ZNRF2: variants seen among roughly 807,000 people sequenced by gnomAD.
The protein encoded by ZNRF2 is E3 ubiquitin-protein ligase ZNRF2.
Under a neutral mutation model 20.4 loss-of-function variants are expected in ZNRF2, and 16 were observed. The ratio of observed to expected loss-of-function variants is 0.79; its 90% confidence interval spans 0.53 to 1.19. The LOEUF (loss-of-function observed/expected upper bound fraction) is 1.19. Among genes scored for constraint, ZNRF2 ranks in the 50% most tolerant of loss-of-function variants. The pLI is 0.00. For missense variants in ZNRF2, 363 were observed against 332.4 expected, an observed-to-expected ratio of 1.09 and a Z score of -0.72; for synonymous variants, 178 against 144.9, an observed-to-expected ratio of 1.23 and a Z score of -1.64.
intron 3 of ZNRF2, among the ~76,000 whole-genome samples, chr7:30,361,405 T>A (rs1412558822): frequency 6.6e-6 from 1 of 152,212 alleles, no homozygotes; most frequent in Non-Finnish European, 1.5e-5. Context: ...TATCTGGACA[T>A]GAGGATGATA....
chr7:30,314,803 A>G (rs1037429145), intron 1 of ZNRF2, among the ~76,000 whole-genome samples: 4 of 148,266 alleles, frequency 2.7e-5, no homozygotes, highest in Non-Finnish European at 5.9e-5. Flanking sequence ...ATATATATAT[A>G]TGTATATATG....
chr7:30,365,582 A>T (rs1800200609), intron 4 of ZNRF2, among the ~76,000 whole-genome samples: 1 of 152,096 alleles, frequency 6.6e-6, no homozygotes, highest in Admixed American at 6.5e-5. Flanking sequence ...ATTCTTGTAT[A>T]CCTTTTAATA....
intron 2 of ZNRF2, among the ~76,000 whole-genome samples, chr7:30,332,397 G>C (rs1200926560): frequency 6.6e-6 from 1 of 152,074 alleles, no homozygotes; most frequent in Non-Finnish European, 1.5e-5. Context: ...TGAGGAGGTG[G>C]GGTACATGTG....
intron 1 of ZNRF2, among the ~76,000 whole-genome samples, chr7:30,313,787 C>T (rs1479862012): frequency 6.6e-6 from 1 of 152,180 alleles, no homozygotes; most frequent in Non-Finnish European, 1.5e-5. Context: ...TGTGATCATT[C>T]TGTACCCTCA....
At chr7:30,300,148 CTTTTT>C (rs11312967) in intron 1 of ZNRF2, among the ~76,000 whole-genome samples, 1 of 113,018 alleles carries the variant, frequency 8.8e-6, no homozygotes, top group Admixed American at 9.4e-5. Flanking sequence ...GAATACAAGT[CTTTTT>C]TTTTTTTTTT....
chr7:30,321,084 C>T (rs143132204), intron 1 of ZNRF2, among the ~76,000 whole-genome samples: 10 of 152,242 alleles, frequency 6.6e-5, no homozygotes, highest in African/African-American at 2.2e-4. Context: ...CTGCCCGTTG[C>T]CGTGCCTGGT....
At chr7:30,298,276 C>T (rs1799050883) in intron 1 of ZNRF2, among the ~76,000 whole-genome samples, 1 of 151,918 alleles carries the variant, frequency 6.6e-6, no homozygotes, top group South Asian at 2.1e-4. Flanking sequence ...ATGCTTTGTT[C>T]CCTTTCCTGA....
At chr7:30,309,899 CAA>C (rs1799266142) in intron 1 of ZNRF2, among the ~76,000 whole-genome samples, 1 of 152,072 alleles carries the variant, frequency 6.6e-6, no homozygotes, top group African/African-American at 2.4e-5. Flanking sequence ...TGGAAGAAAA[CAA>C]GATACATGGC....
intron 1 of ZNRF2, among the ~76,000 whole-genome samples, chr7:30,302,005 A>T (rs1331574122): frequency 6.6e-6 from 1 of 152,170 alleles, no homozygotes; most frequent in Non-Finnish European, 1.5e-5. Flanking sequence ...CAGTTTTCGG[A>T]ATCAGAAACT....
At chr7:30,336,113 A>G (rs1215840007) in intron 2 of ZNRF2, among the ~76,000 whole-genome samples, 3 of 152,236 alleles carry the variant, frequency 2.0e-5, no homozygotes, top group Non-Finnish European at 2.9e-5. Flanking sequence ...GAGTAAAGAT[A>G]TTACAAAGGA....
intron 1 of ZNRF2, among the ~76,000 whole-genome samples, chr7:30,309,614 T>C (rs553680911): frequency 4.6e-5 from 7 of 152,206 alleles, no homozygotes; most frequent in East Asian, 3.8e-4. Flanking sequence ...AGTCAGTGTT[T>C]ATAGTGAATT....
At chr7:30,340,704 T>G (rs1799780771) in intron 2 of ZNRF2, among the ~76,000 whole-genome samples, 1 of 152,282 alleles carries the variant, frequency 6.6e-6, no homozygotes, top group African/African-American at 2.4e-5. Context: ...ATTTTCTTTT[T>G]TTTTTGTTGT....
At position 30,367,671 on chromosome 7, in the gene ZNRF2, T is replaced by G. The variant is rs1051379884; in HGVS notation, c.*1659T>G. The G allele has an allele frequency of 1.3e-5, 2 of 151,432 alleles. No homozygotes were observed. The highest frequency in any genetic ancestry group is 4.8e-5 in the African/African-American group (2 of 41,240). 9.4% of individuals were successfully genotyped at this position (151,432 alleles called of 1,614,324 possible). On this transcript the variant is annotated 3_prime_UTR_variant, in exon 5 of 5. Transcript: ENST00000323037. ...GTGTGTATTATAAATAATTAAAGAG[T>G]TTTTAATTGCTTTCTGTATGATTCC...
chr7:30,341,841 T>C (rs1799799654), intron 2 of ZNRF2, among the ~76,000 whole-genome samples: 1 of 152,102 alleles, frequency 6.6e-6, no homozygotes, highest in Non-Finnish European at 1.5e-5. Context: ...CCCACTATTA[T>C]TGTGTGGGAG....
chr7:30,294,985 G>C, intron 1 of ZNRF2, among the ~76,000 whole-genome samples: 1 of 150,748 alleles, frequency 6.6e-6, no homozygotes, highest in Admixed American at 6.6e-5. Context: ...GAGAGAGAGG[G>C]AGGGGGACAG....
chr7:30,360,578 G>A (rs948370963), intron 3 of ZNRF2, among the ~76,000 whole-genome samples: 2 of 151,990 alleles, frequency 1.3e-5, no homozygotes, highest in African/African-American at 2.4e-5. Flanking sequence ...TGTAATCCCA[G>A]CTACCCAGGA....
intron 1 of ZNRF2, among the ~76,000 whole-genome samples, chr7:30,295,508 G>A (rs944844135): frequency 5.3e-5 from 8 of 152,082 alleles, no homozygotes; most frequent in African/African-American, 1.9e-4. Flanking sequence ...TCGGGAGTTC[G>A]AGGCCAGCCT....
At chr7:30,287,019 C>T (rs1310087878) in intron 1 of ZNRF2, among the ~76,000 whole-genome samples, 1 of 152,160 alleles carries the variant, frequency 6.6e-6, no homozygotes, top group Admixed American at 6.5e-5. Flanking sequence ...TTCATTTTTC[C>T]CATTTTTTTA....
chr7:30,348,559 A>G (rs1466725817), intron 2 of ZNRF2, among the ~76,000 whole-genome samples: 1 of 152,184 alleles, frequency 6.6e-6, no homozygotes, highest in African/African-American at 2.4e-5. Context: ...AGCATTCACA[A>G]ATGAGAATAT....
Sources: gnomAD v4.1 joint callset for allele counts (sites outside exome capture counted in the v4.1 genomes callset) on GRCh38, gnomAD v4.1.1 for gene constraint, MANE v1.5 for transcripts, NCBI Gene and HGNC (gene_info 2026-07-23, HGNC 2026-07-21) for gene names.